Variants in UGT1A8 observed in about 807,000 individuals in gnomAD.
The protein encoded by UGT1A8 is UDP-glucuronosyltransferase 1A8.
Under a neutral mutation model 45.3 loss-of-function variants are expected in UGT1A8, and 39 were observed. That is an observed-to-expected ratio of 0.86 (90% CI 0.67 to 1.12). UGT1A8 has a LOEUF of 1.12. Ranked by LOEUF, UGT1A8 falls within the 50% of genes most tolerant of loss-of-function variation. The probability of loss-of-function intolerance (pLI) is 0.00; values close to 1 mark genes in which losing one functional copy is unlikely to be tolerated. For missense variants in UGT1A8, 719 were observed against 664.9 expected (o/e 1.08, Z -0.90); for synonymous variants, 275 against 249.2 (o/e 1.10, Z -0.97).
chr2:233,666,981 A>T (rs1355766624), intron 1 of UGT1A8, among the ~76,000 whole-genome samples: 2 of 152,186 alleles, frequency 1.3e-5, no homozygotes, highest in Non-Finnish European at 2.9e-5. Flanking sequence ...ACATGAACTC[A>T]TCATTTTTTA....
At chr2:233,685,065 G>A (rs2074720331) in intron 1 of UGT1A8, among the ~76,000 whole-genome samples, 1 of 152,116 alleles carries the variant, frequency 6.6e-6, no homozygotes, top group Admixed American at 6.6e-5. Context: ...GCTCTGCACA[G>A]GAGATTTTTT....
At chr2:233,629,426 C>T (rs2073148392) in intron 1 of UGT1A8, among the ~76,000 whole-genome samples, 1 of 152,176 alleles carries the variant, frequency 6.6e-6, no homozygotes, top group South Asian at 2.1e-4. Context: ...GATTAATTTT[C>T]TAATGTCAAA....
At chr2:233,657,788 A>G (rs892460902) in intron 1 of UGT1A8, among the ~76,000 whole-genome samples, 7 of 152,140 alleles carry the variant, frequency 4.6e-5, no homozygotes, top group Non-Finnish European at 1.0e-4. Flanking sequence ...ACTGTTTGCC[A>G]TCTGTATATG....
intron 1 of UGT1A8, chr2:233,693,895 T>C (rs1472184778): frequency 1.2e-6 from 2 of 1,613,784 alleles, no homozygotes; most frequent in South Asian, 2.2e-5. Flanking sequence ...TTGGACTGCC[T>C]TGTTTCTTCC....
intron 1 of UGT1A8, among the ~76,000 whole-genome samples, chr2:233,668,538 T>G (rs2074122420): frequency 6.6e-6 from 1 of 152,216 alleles, no homozygotes; most frequent in African/African-American, 2.4e-5. Context: ...GTCTTTATAG[T>G]ACCATGATTT....
chr2:233,690,847 T>TA (rs2075018275), intron 1 of UGT1A8: 2 of 1,068,466 alleles, frequency 1.9e-6, no homozygotes, highest in Non-Finnish European at 2.3e-6. Context: ...AAATGTTTTC[T>TA]AATACCTTCT....
chr2:233,717,649 C>A, intron 1 of UGT1A8: 2 of 403,236 alleles, frequency 5.0e-6, no homozygotes, highest in South Asian at 3.6e-5. Flanking sequence ...GCGACCAGGA[C>A]AAGGAAGCAT....
chr2:233,672,178 A>G (rs2074213555), intron 1 of UGT1A8: 2 of 1,614,128 alleles, frequency 1.2e-6, no homozygotes, highest in Middle Eastern at 1.7e-4. Flanking sequence ...AACTTCATAT[A>G]CCCTGGAGGA....
chr2:233,636,694 G>C, intron 1 of UGT1A8: 1 of 1,614,188 alleles, frequency 6.2e-7, no homozygotes, highest in Non-Finnish European at 8.5e-7. Context: ...GGTGGTTGTA[G>C]TCATGCCAGA....
chr2:233,643,550 C>A (rs1254185573), intron 1 of UGT1A8, among the ~76,000 whole-genome samples: 1 of 152,074 alleles, frequency 6.6e-6, no homozygotes, highest in East Asian at 1.9e-4. Context: ...CCCCCTGCAG[C>A]AGTGTTGGTA....
At chr2:233,623,412 T>C (rs1559312421) in intron 1 of UGT1A8, among the ~76,000 whole-genome samples, 1 of 152,192 alleles carries the variant, frequency 6.6e-6, no homozygotes, top group Non-Finnish European at 1.5e-5. Flanking sequence ...TGAACAGTGG[T>C]TTGTAGTTCT....
At chr2:233,747,694 T>C in intron 1 of UGT1A8, 1 of 1,611,670 alleles carries the variant, frequency 6.2e-7, no homozygotes, top group Non-Finnish European at 8.5e-7. Context: ...GGGGCAGTGC[T>C]GGCTAAGTAC....
At chr2:233,733,672 G>A (rs1353617171) in intron 1 of UGT1A8, among the ~76,000 whole-genome samples, 2 of 152,204 alleles carry the variant, frequency 1.3e-5, no homozygotes, top group African/African-American at 4.8e-5. Flanking sequence ...GATCGATGTG[G>A]ATAAACTTTT....
At chr2:233,628,099 C>G (rs938246462) in intron 1 of UGT1A8, among the ~76,000 whole-genome samples, 3 of 152,002 alleles carry the variant, frequency 2.0e-5, no homozygotes, top group African/African-American at 7.2e-5. Flanking sequence ...TAATTTTATG[C>G]AGTTAAGATT....
chr2:233,690,446 T>G, intron 1 of UGT1A8: 3 of 1,286,108 alleles, frequency 2.3e-6, no homozygotes, highest in Non-Finnish European at 3.0e-6. Flanking sequence ...CTCTCCTCTA[T>G]TCAAAATGCC....
chr2:233,760,998 C>T (rs1369783317), intron 1 of UGT1A8: 2 of 1,614,036 alleles, frequency 1.2e-6, no homozygotes, highest in Non-Finnish European at 1.7e-6. Flanking sequence ...CCTCAGAATT[C>T]CTTCAGAGAG....
chr2:233,618,192 C>T lies in UGT1A8; in HGVS notation c.485C>T (p.Ser162Phe). ...GGCTTAATTGTTGCCAAATATTTCT[C>T]CCTCCCCTCTGTGGTCTTCGCCAGG... ...ACGLIVAKYF[S>F]LPSVVFARGI... Residue 162 changes from serine (S) to phenylalanine (F), a missense_variant, in exon 1 of 5, where the codon TCC (serine) becomes TTC (phenylalanine). By Grantham distance (155) the Ser-to-Phe change is radical. Coordinates refer to ENST00000373450, the MANE Select transcript of UGT1A8 (RefSeq NM_019076.5). The T allele has an allele frequency of 6.2e-7, 1 of 1,613,982 alleles. No individual in the cohort carries two copies. Among genetic ancestry groups the T allele is most frequent in the Non-Finnish European group, 8.5e-7 (1 of 1,179,990 alleles).
At chr2:233,696,371 G>A (rs1260182364) in intron 1 of UGT1A8, among the ~76,000 whole-genome samples, 2 of 151,972 alleles carry the variant, frequency 1.3e-5, no homozygotes, top group African/African-American at 4.8e-5. Context: ...TTATTCCTAG[G>A]TATTATATAT....
intron 1 of UGT1A8, among the ~76,000 whole-genome samples, chr2:233,758,517 G>C (rs1696901755): frequency 6.6e-6 from 1 of 152,214 alleles, no homozygotes; most frequent in Non-Finnish European, 1.5e-5. Flanking sequence ...ACACAACAAA[G>C]AGTGAAAGCA....
Sources: allele counts gnomAD v4.1 joint callset (sites outside exome capture counted in the v4.1 genomes callset), GRCh38; gene constraint gnomAD v4.1.1; transcripts MANE v1.5; gene names NCBI Gene and HGNC (gene_info 2026-07-23, HGNC 2026-07-21).